The following DPP6 variants were observed in gnomAD, a reference collection of about 807,000 sequenced individuals.
DPP6 encodes the protein dipeptidyl peptidase like 6.
DPP6 carries 69 observed loss-of-function variants against 122.6 expected under a neutral mutation model. The ratio of observed to expected loss-of-function variants is 0.56; its 90% confidence interval spans 0.46 to 0.69. The LOEUF is 0.69. DPP6 is among the 30% of genes least tolerant of loss of function. DPP6 has a pLI of 0.00. For synonymous variants in DPP6, 418 were observed against 433.1 expected (o/e 0.97, Z 0.43); for missense variants, 928 against 1,116.9 (o/e 0.83, Z 2.41).
chr7:154,794,014 G>C, intron 10 of DPP6, 65 bp from the exon 11 acceptor site: 2 of 1,565,876 alleles, frequency 1.3e-6, no homozygotes, highest in Non-Finnish European at 1.7e-6. Context: ...TGGGGTCGGC[G>C]GTCCCCTGGC....
chr7:154,275,999 G>A (rs1334986803), intron 1 of DPP6, among the ~76,000 whole-genome samples: 1 of 152,206 alleles, frequency 6.6e-6, no homozygotes, highest in Non-Finnish European at 1.5e-5. Context: ...GAGATAGTAA[G>A]ACCTTGCCAG....
the DPP6 span, among the ~76,000 whole-genome samples, chr7:153,794,738 G>A: frequency 6.6e-6 from 1 of 152,138 alleles, no homozygotes; most frequent in Non-Finnish European, 1.5e-5. Context: ...GTATCTCTCA[G>A]AATTTCCATA....
chr7:153,932,539 A>G (rs1053432188), intron 1 of DPP6, among the ~76,000 whole-genome samples: 1 of 152,164 alleles, frequency 6.6e-6, no homozygotes, highest in Non-Finnish European at 1.5e-5. Flanking sequence ...GCAACAGCCA[A>G]AGGACAAGAG....
intron 1 of DPP6, among the ~76,000 whole-genome samples, chr7:153,950,588 C>G (rs73729238): frequency 6.6e-6 from 1 of 152,142 alleles, no homozygotes; most frequent in Non-Finnish European, 1.5e-5. Context: ...CAGGAAGGAA[C>G]GCCTGAAGTG....
the DPP6 span, among the ~76,000 whole-genome samples, chr7:153,843,280 G>GCACA: frequency 1.1e-4 from 13 of 113,436 alleles, no homozygotes; most frequent in Admixed American, 3.8e-4. Context: ...ATGCGCGCGC[G>GCACA]CACACACACA....
chr7:154,836,096 G>T (rs1416436777), intron 16 of DPP6, among the ~76,000 whole-genome samples: 5 of 152,194 alleles, frequency 3.3e-5, no homozygotes, highest in African/African-American at 4.8e-5. Context: ...CACCAAAGCT[G>T]GCCTGAGGCC....
intron 6 of DPP6, among the ~76,000 whole-genome samples, chr7:154,659,696 CT>C (rs1837490511): frequency 6.6e-6 from 1 of 152,206 alleles, no homozygotes; most frequent in South Asian, 2.1e-4. Context: ...ATCTCCACCA[CT>C]TCACAACTTC....
At chr7:154,150,013 C>T (rs556986840) in intron 1 of DPP6, among the ~76,000 whole-genome samples, 1 of 152,190 alleles carries the variant, frequency 6.6e-6, no homozygotes, top group African/African-American at 2.4e-5. Flanking sequence ...GATTAGCAAG[C>T]AGAACCAATG....
chr7:154,075,041 A>G (rs1803458312), intron 1 of DPP6, among the ~76,000 whole-genome samples: 1 of 151,996 alleles, frequency 6.6e-6, no homozygotes, highest in East Asian at 1.9e-4. Context: ...TGGCCAACAA[A>G]CATATGAAAA....
At chr7:154,020,532 C>T (rs552025270) in intron 1 of DPP6, among the ~76,000 whole-genome samples, 189 of 152,210 alleles carry the variant, frequency 1.2e-3, no homozygotes, top group African/African-American at 4.4e-3. Context: ...TGATCCAGAG[C>T]TTTTTCTCCT....
chr7:154,529,267 C>T (rs1827654145), intron 3 of DPP6, among the ~76,000 whole-genome samples: 1 of 152,144 alleles, frequency 6.6e-6, no homozygotes, highest in South Asian at 2.1e-4. Flanking sequence ...TCCCACATTG[C>T]TGAATGACCT....
chr7:154,888,680 C>T (rs1252312715), intron 23 of DPP6, among the ~76,000 whole-genome samples: 2 of 152,202 alleles, frequency 1.3e-5, no homozygotes, highest in Admixed American at 1.3e-4. Context: ...CTTCCACCCC[C>T]TCCTCTTCCA....
intron 1 of DPP6, among the ~76,000 whole-genome samples, chr7:154,411,740 T>C (rs1007518451): frequency 6.6e-6 from 1 of 152,180 alleles, no homozygotes; most frequent in Non-Finnish European, 1.5e-5. Context: ...TTATAGGCCG[T>C]TATTAATTTT....
intron 1 of DPP6, among the ~76,000 whole-genome samples, chr7:154,148,805 C>A (rs549652894): frequency 6.6e-6 from 1 of 152,244 alleles, no homozygotes; most frequent in Admixed American, 6.5e-5. Context: ...GCTGTTCTCA[C>A]GCCTGCTGAG....
intron 1 of DPP6, among the ~76,000 whole-genome samples, chr7:154,438,900 G>A (rs981983409): frequency 6.6e-6 from 1 of 152,174 alleles, no homozygotes; most frequent in Non-Finnish European, 1.5e-5. Flanking sequence ...CTCTGGCTGA[G>A]GAGGAGAGGA....
At chr7:153,818,964 CT>C in the DPP6 span, among the ~76,000 whole-genome samples, 1 of 149,974 alleles carries the variant, frequency 6.7e-6, no homozygotes, top group Admixed American at 6.6e-5. Context: ...GTTGGCAAGG[CT>C]GGTCTCGAAC....
chr7:154,790,072 C>T (rs60903907), intron 10 of DPP6, among the ~76,000 whole-genome samples: 28,973 of 152,046 alleles, frequency 0.19, 3,133 homozygotes, highest in East Asian at 0.37. Context: ...GTAGCAGGCA[C>T]CTGTAATCCC....
chr7:154,574,920 GTGTT>G (rs1454025101), intron 5 of DPP6, among the ~76,000 whole-genome samples: 13 of 139,982 alleles, frequency 9.3e-5, no homozygotes, highest in African/African-American at 2.7e-4. Flanking sequence ...GTGTGTGTAT[GTGTT>G]TGGTGTATGT....
intron 1 of DPP6, among the ~76,000 whole-genome samples, chr7:154,230,350 C>A (rs1800851948): frequency 6.6e-6 from 1 of 152,216 alleles, no homozygotes; most frequent in African/African-American, 2.4e-5. Context: ...ATAAGCTAGA[C>A]CTTGATTAGA....
Sources: allele counts gnomAD v4.1 joint callset (sites outside exome capture counted in the v4.1 genomes callset), GRCh38; gene constraint gnomAD v4.1.1; transcripts MANE v1.5; gene names NCBI Gene and HGNC (gene_info 2026-07-23, HGNC 2026-07-21).